CDK14: variants seen among roughly 807,000 people sequenced by gnomAD.
CDK14 encodes cyclin dependent kinase 14, also known as cyclin-dependent kinase 14.
CDK14 carries 34 observed loss-of-function variants against 60.7 expected under a neutral mutation model. The observed-to-expected ratio is 0.56, with a 90% confidence interval of 0.43 to 0.75. CDK14 has a LOEUF of 0.75. CDK14 is among the 30% of genes least tolerant of loss of function. The pLI is 0.00. For synonymous variants in CDK14, 197 were observed against 203.7 expected (o/e 0.97, Z 0.28); for missense variants, 482 against 564.1 (o/e 0.85, Z 1.47).
intron 14 of CDK14, among the ~76,000 whole-genome samples, chr7:91,124,014 G>C (rs1247271653): frequency 6.6e-6 from 1 of 151,926 alleles, no homozygotes. Context: ...AGCTTCCCGA[G>C]TAGCTAGGAC....
chr7:91,092,742 C>G (rs1401062871), intron 12 of CDK14, among the ~76,000 whole-genome samples: 1 of 152,110 alleles, frequency 6.6e-6, no homozygotes, highest in Non-Finnish European at 1.5e-5. Flanking sequence ...CAAGGACTTG[C>G]AACTAGAAGG....
chr7:91,103,825 C>CGAGAGAGAGAGAGAGAGAAAGA (rs1799209930), intron 12 of CDK14, among the ~76,000 whole-genome samples: 1 of 123,818 alleles, frequency 8.1e-6, no homozygotes, highest in East Asian at 2.3e-4. Context: ...GCAAGGAGAC[C>CGAGAGAGAGAGAGAGAGAAAGA]GAGAGAGAGA....
At chr7:90,651,768 T>TCA (rs935919231) in intron 2 of CDK14, among the ~76,000 whole-genome samples, 2 of 152,090 alleles carry the variant, frequency 1.3e-5, no homozygotes, top group African/African-American at 2.4e-5. Flanking sequence ...TTTTTAATGC[T>TCA]CGTAGCCATT....
chr7:90,641,853 C>T (rs758354519), intron 2 of CDK14, among the ~76,000 whole-genome samples: 1 of 152,214 alleles, frequency 6.6e-6, no homozygotes, highest in Non-Finnish European at 1.5e-5. Flanking sequence ...AATGGACTTA[C>T]AGTTCCACGT....
intron 1 of CDK14, among the ~76,000 whole-genome samples, 166 bp downstream of exon 1, chr7:90,596,884 G>C (rs1157032080): frequency 1.3e-5 from 2 of 152,142 alleles, no homozygotes; most frequent in Non-Finnish European, 2.9e-5. Flanking sequence ...GGGCAAGGAC[G>C]TAAAGGAAAG....
intron 1 of CDK14, among the ~76,000 whole-genome samples, chr7:90,602,907 C>A (rs1412891688): frequency 6.6e-6 from 1 of 152,210 alleles, no homozygotes; most frequent in Non-Finnish European, 1.5e-5. Flanking sequence ...CTTGAAAACA[C>A]AAATATATGA....
Position 90,807,552 on chromosome 7 carries a change from C to T in CDK14, c.544+16900C>T, listed in dbSNP as rs563435073. On this transcript the variant is annotated intron_variant, in intron 5 of 14. Transcript: ENST00000380050. ...AGAAAAACTGGAAACTCTAAAAATC[C>T]GAGTGCCTCTCCTCCTCCAAAGGAA... Among the ~76,000 whole-genome samples the T allele has an allele frequency of 5.3e-5, 8 of 152,180 alleles. No individual in the cohort carries two copies. In the East Asian group the frequency reaches 9.7e-4, roughly 18 times the overall value.
At chr7:90,691,770 C>T (rs1304934515) in intron 2 of CDK14, among the ~76,000 whole-genome samples, 1 of 152,162 alleles carries the variant, frequency 6.6e-6, no homozygotes, top group Admixed American at 6.5e-5. Flanking sequence ...ACGGTGGCTG[C>T]ACTGGAGACA....
At chr7:90,662,476 A>G (rs1450088846) in intron 2 of CDK14, among the ~76,000 whole-genome samples, 1 of 152,186 alleles carries the variant, frequency 6.6e-6, no homozygotes, top group African/African-American at 2.4e-5. Flanking sequence ...CTTTGGGGTG[A>G]TTTTCATTTG....
chr7:90,808,730 T>G (rs1788965265), intron 5 of CDK14, among the ~76,000 whole-genome samples: 1 of 152,146 alleles, frequency 6.6e-6, no homozygotes, highest in Non-Finnish European at 1.5e-5. Flanking sequence ...CCATCTCATG[T>G]GCAGAGACAC....
chr7:90,804,049 A>T (rs780754295), intron 5 of CDK14, among the ~76,000 whole-genome samples: 1 of 152,218 alleles, frequency 6.6e-6, no homozygotes, highest in African/African-American at 2.4e-5. Flanking sequence ...GTATTCTATT[A>T]TATGGCCTTA....
intron 2 of CDK14, among the ~76,000 whole-genome samples, chr7:90,630,038 CAAACAAAACA>C (rs55947583): frequency 0.021 from 2,124 of 102,830 alleles, 24 homozygotes; most frequent in African/African-American, 0.033. Context: ...GACACTGTCT[CAAACAAAACA>C]AAACAAAACA....
chr7:90,625,096 T>TA (rs1157668337), intron 2 of CDK14, among the ~76,000 whole-genome samples: 1 of 152,210 alleles, frequency 6.6e-6, no homozygotes, highest in Non-Finnish European at 1.5e-5. Context: ...CAGTGGCTCA[T>TA]AATCTCAGTG....
intron 8 of CDK14, among the ~76,000 whole-genome samples, chr7:90,949,289 C>T (rs1794186762): frequency 6.6e-6 from 1 of 151,850 alleles, no homozygotes; most frequent in Admixed American, 6.6e-5. Context: ...TGCAACTGCA[C>T]CTCCGGGGTT....
At chr7:91,034,247 C>A (rs191126751) in intron 10 of CDK14, among the ~76,000 whole-genome samples, 1 of 152,110 alleles carries the variant, frequency 6.6e-6, no homozygotes, top group African/African-American at 2.4e-5. Context: ...TGGTCCCAAC[C>A]GGGCTGATGT....
chr7:90,780,623 T>C (rs2116928999), intron 4 of CDK14, among the ~76,000 whole-genome samples: 1 of 142,612 alleles, frequency 7.0e-6, no homozygotes, highest in East Asian at 2.2e-4. Flanking sequence ...CCCCTTCCTG[T>C]GTCCATGTGT....
chr7:90,870,433 A>G (rs1045736238), intron 6 of CDK14, among the ~76,000 whole-genome samples: 1 of 152,178 alleles, frequency 6.6e-6, no homozygotes, highest in South Asian at 2.1e-4. Flanking sequence ...TTGTATAGCA[A>G]ACCCCCATTA....
chr7:91,146,438 T>A (rs572388425), intron 14 of CDK14, among the ~76,000 whole-genome samples: 7,308 of 152,182 alleles, frequency 0.048, 435 homozygotes, highest in East Asian at 0.31. Context: ...TGACCTCAGG[T>A]GATCTGCTTG....
intron 8 of CDK14, among the ~76,000 whole-genome samples, chr7:90,943,639 G>A (rs1423776209): frequency 1.3e-5 from 2 of 152,034 alleles, no homozygotes; most frequent in Non-Finnish European, 1.5e-5. Flanking sequence ...TACAATATTC[G>A]TGTGCATCAT....
Sources: gnomAD v4.1 joint callset for allele counts (sites outside exome capture counted in the v4.1 genomes callset) on GRCh38, gnomAD v4.1.1 for gene constraint, MANE v1.5 for transcripts, NCBI Gene and HGNC (gene_info 2026-07-23, HGNC 2026-07-21) for gene names.